Variants in RBPMS2 observed in about 807,000 individuals in gnomAD.
RBPMS2 encodes the protein RNA-binding protein with multiple splicing 2.
Under a neutral mutation model 25.7 loss-of-function variants are expected in RBPMS2, and 14 were observed. That is an observed-to-expected ratio of 0.55 (90% confidence interval 0.36 to 0.85). RBPMS2 has a LOEUF of 0.85. Ranked by LOEUF, RBPMS2 falls within the 40% of genes least tolerant of loss-of-function variation. The pLI, the probability that RBPMS2 is intolerant of heterozygous loss-of-function variation, is 0.01. For synonymous variants in RBPMS2, 127 were observed against 115.6 expected (o/e 1.10, Z -0.63); for missense variants, 252 against 283.4 (o/e 0.89, Z 0.80).
chr15:64,768,126 A>C (rs1023914502), intron 1 of RBPMS2, among the ~76,000 whole-genome samples: 1 of 152,254 alleles, frequency 6.6e-6, no homozygotes, highest in Non-Finnish European at 1.5e-5. Context: ...TTTAGTTAAA[A>C]TGCCCAAAGC....
chr15:64,746,426 C>T (rs934169581), intron 6 of RBPMS2, among the ~76,000 whole-genome samples: 8 of 152,206 alleles, frequency 5.3e-5, no homozygotes, highest in African/African-American at 1.2e-4. Flanking sequence ...CATGCCATCA[C>T]GCGACTCCAT....
At chr15:64,742,152 C>T (rs1287148343) in intron 6 of RBPMS2, among the ~76,000 whole-genome samples, 1 of 152,180 alleles carries the variant, frequency 6.6e-6, no homozygotes, top group African/African-American at 2.4e-5. Context: ...GCAACAAGAA[C>T]AAAACTCCGT....
chr15:64,762,694 G>A (rs923272032), intron 1 of RBPMS2, among the ~76,000 whole-genome samples: 7 of 152,170 alleles, frequency 4.6e-5, no homozygotes, highest in Non-Finnish European at 7.3e-5. Context: ...TGTGGCCTTC[G>A]CTTGTCAGCC....
intron 1 of RBPMS2, among the ~76,000 whole-genome samples, chr15:64,761,999 T>C (rs550212254): frequency 6.6e-6 from 1 of 152,092 alleles, no homozygotes; most frequent in Non-Finnish European, 1.5e-5. Context: ...CATGAGCCAC[T>C]GTGCCCAACT....
chr15:64,748,178 C>T (rs762214575), intron 6 of RBPMS2, among the ~76,000 whole-genome samples: 67 of 152,138 alleles, frequency 4.4e-4, no homozygotes, highest in Non-Finnish European at 9.1e-4. Context: ...GGCTGGGGAA[C>T]CACAGCTGGG....
At chr15:64,750,112 G>C (rs2083661741) in intron 3 of RBPMS2, among the ~76,000 whole-genome samples, 1 of 152,098 alleles carries the variant, frequency 6.6e-6, no homozygotes, top group Non-Finnish European at 1.5e-5. Flanking sequence ...AGCCAGCGGG[G>C]CTCCCAGATT....
chr15:64,749,572 G>GT, intron 3 of RBPMS2, 79 bp from the exon 4 acceptor site: 1 of 1,277,322 alleles, frequency 7.8e-7, no homozygotes, highest in East Asian at 2.3e-5. Flanking sequence ...CAAAAAAAGA[G>GT]TATCATCTAT....
chr15:64,761,205 C>G (rs1448892925), intron 1 of RBPMS2: 1 of 152,126 alleles, frequency 6.6e-6, no homozygotes, highest in Non-Finnish European at 1.5e-5. Flanking sequence ...CCGGTGTCAT[C>G]CCGATGGAAA....
intron 1 of RBPMS2, among the ~76,000 whole-genome samples, chr15:64,764,567 T>C (rs1028483617): frequency 7.2e-5 from 11 of 152,130 alleles, no homozygotes; most frequent in Non-Finnish European, 1.3e-4. Flanking sequence ...GCCACAAACA[T>C]AGCAGGACCC....
intron 2 of RBPMS2, among the ~76,000 whole-genome samples, chr15:64,750,704 C>T (rs1046474283): frequency 1.3e-5 from 2 of 152,208 alleles, no homozygotes; most frequent in African/African-American, 4.8e-5. Flanking sequence ...AAAGGCTACA[C>T]TGAATCTCAA....
chr15:64,753,713 T>C (rs1162093770), intron 1 of RBPMS2, among the ~76,000 whole-genome samples: 1 of 152,092 alleles, frequency 6.6e-6, no homozygotes, highest in East Asian at 1.9e-4. Flanking sequence ...TTCCCCTCAG[T>C]AGAGGCACCA....
At chr15:64,761,696 CT>C (rs71133473) in intron 1 of RBPMS2, among the ~76,000 whole-genome samples, 1,630 of 86,604 alleles carry the variant, frequency 0.019, 3 homozygotes, top group African/African-American at 0.052. Context: ...CAAAGCCCAG[CT>C]TTTTTTTTTT....
Position 64,748,585 on chromosome 15 carries a change from G to A in RBPMS2, c.419-18C>T, listed in dbSNP as rs977645695. 1 of 1,523,840 alleles carries A rather than the reference G, an allele frequency of 6.6e-7. No homozygotes were observed. Among genetic ancestry groups the A allele is most frequent in the Admixed American group, 2.2e-5 (1 of 44,842 alleles). 94.4% of individuals were successfully genotyped at this position (1,523,840 alleles called of 1,614,324 possible). A position where few individuals can be genotyped will look rare whatever the true frequency, so the allele number is the denominator to read the frequency against. On this transcript the variant is annotated intron_variant, in intron 5 of 7. Coordinates refer to ENST00000300069, the MANE Select transcript of RBPMS2 (RefSeq NM_194272.3). ...CAGGTCATCTACAACAGGAGACAAT[G>A]GCCTCCATCATCAGAACACTCGCCT...
chr15:64,766,847 C>G (rs930656420), intron 1 of RBPMS2, among the ~76,000 whole-genome samples: 23 of 152,022 alleles, frequency 1.5e-4, no homozygotes, highest in Middle Eastern at 3.4e-3. Flanking sequence ...TTTTTTGAGA[C>G]CAAGTCTCAT....
chr15:64,759,089 C>G (rs914679226), intron 1 of RBPMS2, among the ~76,000 whole-genome samples: 4 of 152,160 alleles, frequency 2.6e-5, no homozygotes, highest in Admixed American at 2.0e-4. Context: ...CCTCACCCAT[C>G]CTGAGCCACC....
intron 1 of RBPMS2, among the ~76,000 whole-genome samples, chr15:64,768,636 T>C (rs1450572543): frequency 1.3e-5 from 2 of 148,536 alleles, no homozygotes; most frequent in Non-Finnish European, 3.0e-5. Context: ...AGACTCTGTC[T>C]CGAGGAAAAA....
rs115900529 is a variant in RBPMS2, at chr15:64,755,850, G to A, written c.88-4212C>T. On this transcript the variant is annotated intron_variant, in intron 1 of 7. Coordinates refer to ENST00000300069, the MANE Select transcript of RBPMS2 (RefSeq NM_194272.3). ...AGCCCGCCCAGCCCACCCACTCCAG[G>A]GCCCTGACAAGCGTCCACAAGGCTG... 3.4e-3 allele frequency among the ~76,000 whole-genome samples: 476 copies of A among 141,946 alleles called. 1 individual carries two copies. The highest frequency in any genetic ancestry group is 0.012 in the African/African-American group (459 of 38,912). 93.1% of individuals were successfully genotyped at this position (141,946 alleles called of 152,430 possible). A position where few individuals can be genotyped will look rare whatever the true frequency, so the allele number is the denominator to read the frequency against.
At chr15:64,761,640 C>T (rs1211922796) in intron 1 of RBPMS2, among the ~76,000 whole-genome samples, 1 of 151,484 alleles carries the variant, frequency 6.6e-6, no homozygotes, top group Non-Finnish European at 1.5e-5. Flanking sequence ...TCAAGCGATC[C>T]TCTTGCCTCC....
At chr15:64,756,904 G>C (rs2083736604) in intron 1 of RBPMS2, among the ~76,000 whole-genome samples, 1 of 149,522 alleles carries the variant, frequency 6.7e-6, no homozygotes, top group African/African-American at 2.5e-5. Flanking sequence ...CTGACCTCAA[G>C]TGATCCGCCC....
Sources: gnomAD v4.1 joint callset for allele counts (sites outside exome capture counted in the v4.1 genomes callset) on GRCh38, gnomAD v4.1.1 for gene constraint, MANE v1.5 for transcripts, NCBI Gene and HGNC (gene_info 2026-07-23, HGNC 2026-07-21) for gene names.